The following CSRNP3 variants were observed in gnomAD, a reference collection of about 807,000 sequenced individuals.
CSRNP3 encodes cysteine/serine-rich nuclear protein 3.
A neutral mutation model predicts 48.0 loss-of-function variants in CSRNP3; 12 were observed. The observed-to-expected ratio is 0.25, with a 90% CI of 0.16 to 0.41. CSRNP3 has a LOEUF of 0.41. CSRNP3 is among the 10% of genes least tolerant of loss of function. CSRNP3 has a pLI of 1.00. For synonymous variants in CSRNP3, 263 were observed against 269.7 expected, an observed-to-expected ratio of 0.98 and a Z score of 0.24; for missense variants, 580 against 724.4, an observed-to-expected ratio of 0.80 and a Z score of 2.29.
chr2:165,547,218 A>G (rs1174685107), intron 3 of CSRNP3, among the ~76,000 whole-genome samples: 2 of 152,188 alleles, frequency 1.3e-5, no homozygotes, highest in Non-Finnish European at 2.9e-5. Context: ...CTATTTCCAT[A>G]AAGAAGGACA....
chr2:165,523,827 G>T (rs72877721), intron 3 of CSRNP3, among the ~76,000 whole-genome samples: 2 of 152,238 alleles, frequency 1.3e-5, no homozygotes, highest in Non-Finnish European at 2.9e-5. Flanking sequence ...AAAAGTTCTT[G>T]ATATTTTACT....
chr2:165,634,167 C>T (rs1039675021), intron 4 of CSRNP3, among the ~76,000 whole-genome samples: 1 of 151,944 alleles, frequency 6.6e-6, no homozygotes, highest in African/African-American at 2.4e-5. Context: ...GGCAAAACCC[C>T]GTCTCTACTA....
intron 4 of CSRNP3, among the ~76,000 whole-genome samples, chr2:165,604,981 A>T (rs1296561944): frequency 6.6e-6 from 1 of 152,156 alleles, no homozygotes; most frequent in Non-Finnish European, 1.5e-5. Context: ...CGTCTTATAT[A>T]AATGTATCTG....
intron 3 of CSRNP3, among the ~76,000 whole-genome samples, chr2:165,520,783 T>TTATATACA (rs1553472387): frequency 0.017 from 510 of 29,568 alleles, 9 homozygotes; most frequent in African/African-American, 0.052. Context: ...TATATATATA[T>TTATATACA]TATATATATA....
intron 3 of CSRNP3, among the ~76,000 whole-genome samples, chr2:165,594,775 A>G (rs2105294994): frequency 6.6e-6 from 1 of 152,304 alleles, no homozygotes; most frequent in South Asian, 2.1e-4. Flanking sequence ...ATTTGCCAAT[A>G]AAAAGGAATA....
chr2:165,497,852 T>C (rs1247908039), intron 2 of CSRNP3, among the ~76,000 whole-genome samples: 1 of 152,124 alleles, frequency 6.6e-6, no homozygotes, highest in Non-Finnish European at 1.5e-5. Context: ...GCCTGGCTAC[T>C]AAGTAGAGGG....
intron 5 of CSRNP3, 65 bp downstream of exon 5, chr2:165,658,085 T>C: frequency 2.7e-6 from 4 of 1,505,002 alleles, no homozygotes; most frequent in Non-Finnish European, 3.6e-6. Context: ...GAGTTAACCA[T>C]TTTCATATTT....
At chr2:165,608,652 T>G (rs1394408270) in intron 4 of CSRNP3, among the ~76,000 whole-genome samples, 1 of 152,020 alleles carries the variant, frequency 6.6e-6, no homozygotes, top group East Asian at 1.9e-4. Context: ...TTTAAAAGGT[T>G]TTACTGTCTT....
intron 3 of CSRNP3, among the ~76,000 whole-genome samples, chr2:165,526,700 A>T (rs1684736170): frequency 6.6e-6 from 1 of 152,194 alleles, no homozygotes; most frequent in African/African-American, 2.4e-5. Context: ...TGATGTTCAG[A>T]TACTTCATCA....
intron 4 of CSRNP3, among the ~76,000 whole-genome samples, chr2:165,602,816 A>C (rs762093777): frequency 6.6e-6 from 1 of 152,164 alleles, no homozygotes; most frequent in South Asian, 2.1e-4. Flanking sequence ...TTTCTCCATA[A>C]AAACTTCACC....
chr2:165,634,613 T>G (rs1232453142), intron 4 of CSRNP3, among the ~76,000 whole-genome samples: 2 of 152,136 alleles, frequency 1.3e-5, no homozygotes, highest in Non-Finnish European at 2.9e-5. Context: ...GTAAATAGCT[T>G]ACGGAAGTTA....
At chr2:165,512,826 C>T (rs572052672) in intron 2 of CSRNP3, among the ~76,000 whole-genome samples, 5 of 152,286 alleles carry the variant, frequency 3.3e-5, no homozygotes, top group South Asian at 2.1e-4. Context: ...TAGGGTCAGC[C>T]GGGCATGGCG....
chr2:165,557,765 A>G (rs1412437624), intron 3 of CSRNP3, among the ~76,000 whole-genome samples: 1 of 152,228 alleles, frequency 6.6e-6, no homozygotes, highest in Non-Finnish European at 1.5e-5. Flanking sequence ...TAAATATTTA[A>G]TTGAATCCCA....
At chr2:165,643,998 T>C (rs779752804) in intron 4 of CSRNP3, among the ~76,000 whole-genome samples, 4 of 152,202 alleles carry the variant, frequency 2.6e-5, no homozygotes, top group Non-Finnish European at 5.9e-5. Context: ...AATTCAGTCA[T>C]GTGTTTTTGC....
At chr2:165,592,414 C>A (rs892755753) in intron 3 of CSRNP3, among the ~76,000 whole-genome samples, 1 of 152,086 alleles carries the variant, frequency 6.6e-6, no homozygotes, top group Non-Finnish European at 1.5e-5. Context: ...TGAGCCTAGA[C>A]CTTAGGGGGG....
chr2:165,521,173 C>CAAAAAAAA (rs1348766008), intron 3 of CSRNP3, among the ~76,000 whole-genome samples: 23,264 of 134,752 alleles, frequency 0.17, 1,939 homozygotes, highest in Non-Finnish European at 0.2. Context: ...ATGGGAAAGC[C>CAAAAAAAA]AAAAAAAAAA....
At chr2:165,645,730 C>T (rs553029149) in intron 4 of CSRNP3, among the ~76,000 whole-genome samples, 25 of 152,126 alleles carry the variant, frequency 1.6e-4, no homozygotes, top group Non-Finnish European at 3.2e-4. Context: ...TTCTGCAGCC[C>T]TGTATCTCCA....
intron 4 of CSRNP3, among the ~76,000 whole-genome samples, chr2:165,596,851 A>C (rs2105296899): frequency 6.6e-6 from 1 of 152,328 alleles, no homozygotes; most frequent in East Asian, 1.9e-4. Context: ...TGTTAAATTA[A>C]AAATTATGAT....
At chr2:165,533,917 A>G (rs543968092) in intron 3 of CSRNP3, among the ~76,000 whole-genome samples, 1 of 152,168 alleles carries the variant, frequency 6.6e-6, no homozygotes, top group African/African-American at 2.4e-5. Flanking sequence ...AAGACAATAA[A>G]TGTTACTGTT....
Sources: allele counts gnomAD v4.1 joint callset (sites outside exome capture counted in the v4.1 genomes callset), GRCh38; gene constraint gnomAD v4.1.1; transcripts MANE v1.5; gene names NCBI Gene and HGNC (gene_info 2026-07-23, HGNC 2026-07-21).